CFAP65: variants seen among roughly 807,000 people sequenced by gnomAD.
CFAP65 encodes cilia and flagella associated protein 65.
In CFAP65, 155 loss-of-function variants were observed where a neutral mutation model predicts 208.0. The ratio of observed to expected loss-of-function variants is 0.75; its 90% CI spans 0.65 to 0.85. The LOEUF (loss-of-function observed/expected upper bound fraction) is 0.85, where lower values mean the gene tolerates loss of function less well. Ranked by LOEUF, CFAP65 falls within the 40% of genes least tolerant of loss-of-function variation. The pLI is 0.00. For synonymous variants in CFAP65, 970 were observed against 986.3 expected (o/e 0.98, Z 0.31); for missense variants, 2,294 against 2,451.3 (o/e 0.94, Z 1.36).
chr2:219,033,623 T>C lies in CFAP65; in HGVS notation c.543-1051A>G, dbSNP rs1033444588. Reference sequence around the variant, plus strand: ...TCTCAGCAAAGCAGGAATAGAAGAATATTCCCATAATCTGACAAGGTGTAC... The same window carrying C: ...TCTCAGCAAAGCAGGAATAGAAGAACATTCCCATAATCTGACAAGGTGTAC... On this transcript the variant is annotated intron_variant, in intron 5 of 34. Transcript: ENST00000341552. 4 of 152,220 alleles carry C rather than the reference T, an allele frequency of 2.6e-5. No homozygotes were observed. The East Asian group carries it at 7.7e-4, about 29-fold the overall frequency. The allele number at this position is 152,220 out of a possible 1,614,324, so 9.4% of individuals were successfully genotyped here.
intron 19 of CFAP65, among the ~76,000 whole-genome samples, chr2:219,020,512 C>G (rs1477062002): frequency 6.6e-6 from 1 of 152,180 alleles, no homozygotes; most frequent in East Asian, 1.9e-4. Flanking sequence ...TCCCAAGTAG[C>G]TAGGACTACA....
chr2:219,035,807 C>A, intron 4 of CFAP65, 143 bp from the exon 5 acceptor site: 1 of 1,428,294 alleles, frequency 7.0e-7, no homozygotes, highest in Non-Finnish European at 9.2e-7. Flanking sequence ...TTGACACCAC[C>A]CCTCACCCCT....
chr2:219,021,199 C>A lies in CFAP65; in HGVS notation c.3212G>T (p.Arg1071Leu), dbSNP rs372695230. The change falls in exon 19 of 35, where the codon CGG (arginine) becomes CTG (leucine). Residue 1071 changes from arginine to leucine, a missense_variant. By Grantham distance (102) the Arg-to-Leu change is moderately radical (BLOSUM62 -2). Transcript: ENST00000341552. ...GGTGATGGTCCAGGAGTACTGGGACCGCTGCTTGGGACAGGCAGTCAGGCA... is the reference window on the plus strand; with the variant it reads ...GGTGATGGTCCAGGAGTACTGGGACAGCTGCTTGGGACAGGCAGTCAGGCA... ...TICLTACPKQRSQYSWTITYS... is the reference protein window; with the variant it reads ...TICLTACPKQLSQYSWTITYS... The A allele has an allele frequency of 6.2e-7, 1 of 1,606,510 alleles. No individual in the cohort carries two copies. Among genetic ancestry groups the A allele is most frequent in the African/African-American group, 1.3e-5 (1 of 74,798 alleles).
intron 11 of CFAP65, 114 bp downstream of exon 11, chr2:219,029,289 C>A: frequency 2.2e-6 from 3 of 1,360,282 alleles, no homozygotes; most frequent in Non-Finnish European, 3.0e-6. Context: ...GACCACCAGG[C>A]AGACAGCCCT....
intron 2 of CFAP65, among the ~76,000 whole-genome samples, chr2:219,039,457 C>T (rs115555588): frequency 2.6e-3 from 400 of 152,280 alleles, no homozygotes; most frequent in Non-Finnish European, 4.5e-3. Context: ...AAGTGGTTTG[C>T]AGATCCCTAT....
chr2:219,007,229 AG>A, intron 29 of CFAP65, among the ~76,000 whole-genome samples: 1 of 146,760 alleles, frequency 6.8e-6, no homozygotes, highest in Non-Finnish European at 1.5e-5. Context: ...GTTGGAGTGG[AG>A]TGACCCCATC....
Position 219,027,707 on chromosome 2 carries a change from C to T in CFAP65, c.2154G>A (p.Gln718=), listed in dbSNP as rs1475368949. The change falls in exon 13 of 35, where the codon CAG becomes CAA. Residue 718 remains glutamine, a synonymous_variant. Coordinates refer to ENST00000341552, the MANE Select transcript of CFAP65 (RefSeq NM_194302.4). ...LKSMAMRLHF[Q]PPHPNCLYTV... is the part of the protein sequence containing the mutation. ...TGTAAAGGCAGTTGGGGTGAGGCGGCTGGAAGTGCAGGCGCATGGCCATGG... is the reference window on the plus strand; with the variant it reads ...TGTAAAGGCAGTTGGGGTGAGGCGGTTGGAAGTGCAGGCGCATGGCCATGG... The T allele has an allele frequency of 6.2e-7, 1 of 1,613,932 alleles. No homozygotes were observed. The highest frequency in any genetic ancestry group is 1.7e-5 in the Admixed American group (1 of 60,002).
intron 18 of CFAP65, 88 bp downstream of exon 18, chr2:219,021,692 C>G (rs1000612730): frequency 4.8e-5 from 69 of 1,434,794 alleles, no homozygotes; most frequent in Middle Eastern, 4.4e-4. Flanking sequence ...ACTACAGGCG[C>G]GTGCCAGTGT....
rs999188893 is a variant in CFAP65 at position 219,008,947 on chromosome 2, G to C, written c.4674+100C>G. 4 of 872,866 alleles carry C rather than the reference G, an allele frequency of 4.6e-6. No individual in the cohort carries two copies. In the Admixed American group the frequency reaches 8.0e-5, roughly 17 times the overall value. 54.1% of individuals were successfully genotyped at this position (872,866 alleles called of 1,614,324 possible). On this transcript the variant is annotated intron_variant, in intron 29 of 34. Coordinates refer to ENST00000341552, the MANE Select transcript of CFAP65 (RefSeq NM_194302.4). ...TGTAATCTCTTAGGGCAGGCTGGCT[G>C]GTTTGGCCTGGAGGGCCACCTTGGC...
rs143779740 is a variant in CFAP65, at chr2:219,009,416, C to T, written c.4497G>A (p.Thr1499=). Reference sequence around the variant, plus strand: ...CCCTCAAGGTCACCACAAATGGGACCGTCTCTTCAGGAGCCACCACCCCTA... The same window carrying T: ...CCCTCAAGGTCACCACAAATGGGACTGTCTCTTCAGGAGCCACCACCCCTA... ...PMIGVVAPEE[T]VPFVVTLRAS... is the part of the protein sequence containing the mutation. Residue 1499 remains threonine, a synonymous_variant, in exon 28 of 35, where the codon ACG becomes ACA. Transcript: ENST00000341552. The T allele has an allele frequency of 2.8e-4, 455 of 1,612,670 alleles. 6 individuals carry two copies. In the East Asian group the frequency reaches 5.7e-3, roughly 20 times the overall value.
chr2:219,031,806 C>A lies in CFAP65; in HGVS notation c.646-148G>T. Reference sequence around the variant, plus strand: ...GTCAGACTCTGAGGGGAGCTGGGCACCTATGTTGTCTTGGTCTCAAACATT... The same window carrying A: ...GTCAGACTCTGAGGGGAGCTGGGCAACTATGTTGTCTTGGTCTCAAACATT... On this transcript the variant is annotated intron_variant, in intron 6 of 34. Transcript: ENST00000341552. This position sits in a 1 kb window ranked among gnomAD's most constrained non-coding sequence, Gnocchi z 5.2. The A allele has an allele frequency of 1.1e-6, 1 of 877,632 alleles. No individual in the cohort carries two copies. Among genetic ancestry groups the A allele is most frequent in the Non-Finnish European group, 1.7e-6 (1 of 578,448 alleles). 54.4% of individuals were successfully genotyped at this position (877,632 alleles called of 1,614,324 possible). A position where few individuals can be genotyped will look rare whatever the true frequency, so the allele number is the denominator to read the frequency against.
chr2:219,024,141 C>A lies in CFAP65; in HGVS notation c.2469G>T (p.Arg823=), dbSNP rs1428055547. ...CGGGTGCCACAAGGCCCGAAGTGGG[C>A]CGAAGGATGACGTCTGAGCCTCTCT... ...APQRGSDVIL[R]PTSGLVAPGA... The change falls in exon 15 of 35, where the codon CGG becomes CGT. Residue 823 remains arginine, a synonymous_variant. Coordinates refer to ENST00000341552, the MANE Select transcript of CFAP65 (RefSeq NM_194302.4). The A allele has an allele frequency of 5.6e-6, 9 of 1,614,010 alleles. No homozygotes were observed. Among genetic ancestry groups the A allele is most frequent in the East Asian group, 2.2e-5 (1 of 44,882 alleles).
rs576598707 is a variant in CFAP65 at position 219,035,675 on chromosome 2, G to A, written c.358-11C>T. 9.0e-5 allele frequency: 144 copies of A among 1,604,924 alleles called. 1 individual carries two copies. The South Asian group carries it at 1.5e-3, about 17-fold the overall frequency. ...CATGGAGCTTGCGGGCTGTTCAGGT[G>A]GCAGGGAGAAGGGGGAGCAGAAAGG... On this transcript the variant is annotated splice_polypyrimidine_tract_variant and intron_variant, in intron 4 of 34. Transcript: ENST00000341552.
rs1222574094 is a variant in CFAP65 at position 219,031,649 on chromosome 2, T to A, written c.655A>T (p.Met219Leu). Residue 219 changes from methionine to leucine, a missense_variant, in exon 7 of 35, where the codon ATG becomes TTG. This residue lies in a region of CFAP65 where 867 missense variants were observed against 1,012.6 expected (regional missense o/e 0.86). Transcript: ENST00000341552. This position sits in a 1 kb window ranked among gnomAD's most constrained non-coding sequence, Gnocchi z 5.2. Reference sequence around the variant, plus strand: ...GCTTTCTCAAACCACAGCTGGTCCATGTACTCCTTCTGCAGTGTGAGGCGG... The same window carrying A: ...GCTTTCTCAAACCACAGCTGGTCCAAGTACTCCTTCTGCAGTGTGAGGCGG... ...VFRPLEAKEY[M>L]DQLWFEKAEG... 13 of 1,609,226 alleles carry A rather than the reference T, an allele frequency of 8.1e-6. No individual in the cohort carries two copies. Among genetic ancestry groups the A allele is most frequent in the Non-Finnish European group, 1.1e-5 (13 of 1,177,476 alleles).
chr2:219,003,706 A>G lies in CFAP65; in HGVS notation c.5555+246T>C, dbSNP rs1199927065. 6.6e-6 allele frequency among the ~76,000 whole-genome samples: 1 copy of G among 152,210 alleles called. No homozygotes were observed. The highest frequency in any genetic ancestry group is 2.4e-5 in the African/African-American group (1 of 41,450). On this transcript the variant is annotated intron_variant, in intron 33 of 34. Transcript: ENST00000341552. The surrounding 1 kb of genome is among the most constrained non-coding windows in gnomAD (Gnocchi z 4.4). ...GCCCATTTACAAGACTTTGCAGACT[A>G]TAACAATTCTCCTGGTAAGTTGGTA... is the stretch of plus-strand genomic sequence containing the variant.
rs1295362760 is a variant in CFAP65 at position 219,038,950 on chromosome 2, G to A, written c.99C>T (p.Leu33=). The A allele has an allele frequency of 1.2e-6, 2 of 1,613,716 alleles. No individual in the cohort carries two copies. The highest frequency in any genetic ancestry group is 1.1e-5 in the South Asian group (1 of 91,030). ...TCTTCTGAACACTCTTGCCTCTTAG[G>A]AGAAGAGGAATAAGGGGGAAAGAAG... is the stretch of plus-strand genomic sequence containing the variant. The part of the protein sequence containing the change: ...FASSFPLIPL[L]LRGKSVQKKQ... The change falls in exon 3 of 35, where the codon CTC becomes CTT. Residue 33 remains leucine, a synonymous_variant. Transcript: ENST00000341552.
chr2:219,018,887 C>T, intron 21 of CFAP65, 164 bp downstream of exon 21: 1 of 914,434 alleles, frequency 1.1e-6, no homozygotes, highest in Non-Finnish European at 1.7e-6. Context: ...GTCCTGCTGG[C>T]AACCCCAGTT....
chr2:219,017,841 G>T (rs915458582), intron 21 of CFAP65, among the ~76,000 whole-genome samples: 5 of 152,242 alleles, frequency 3.3e-5, no homozygotes, highest in Non-Finnish European at 5.9e-5. Flanking sequence ...TGAATGGCAG[G>T]TCTGGAGCTC....
Position 219,031,086 on chromosome 2 carries a change from G to T in CFAP65, c.1015+20C>A. The T allele has an allele frequency of 6.4e-7, 1 of 1,567,098 alleles. No individual in the cohort carries two copies. ...GTGCAGGAGGGGCCAGTCTGGGGACGGTGGGAGGTTGGGCCTCACCCACAG... is the reference window on the plus strand; with the variant it reads ...GTGCAGGAGGGGCCAGTCTGGGGACTGTGGGAGGTTGGGCCTCACCCACAG... On this transcript the variant is annotated intron_variant, in intron 8 of 34. Transcript: ENST00000341552. This position sits in a 1 kb window ranked among gnomAD's most constrained non-coding sequence, Gnocchi z 5.2.
Sources: allele counts gnomAD v4.1 joint callset (sites outside exome capture counted in the v4.1 genomes callset), GRCh38; gene constraint gnomAD v4.1.1; regional missense constraint gnomAD v4.1.1; non-coding constraint Gnocchi (gnomAD v3.1); transcripts MANE v1.5; gene names NCBI Gene and HGNC (gene_info 2026-07-23, HGNC 2026-07-21).